Variants in PALLD observed in about 807,000 individuals in gnomAD.
The protein encoded by PALLD is palladin, cytoskeletal associated protein.
In PALLD, 61 loss-of-function variants were observed where a neutral mutation model predicts 123.5. The ratio of observed to expected loss-of-function variants is 0.49; its 90% CI spans 0.40 to 0.61. PALLD has a LOEUF of 0.61. Among genes scored for constraint, PALLD ranks in the 20% least tolerant of loss-of-function variants. PALLD has a pLI of 0.00. For synonymous variants in PALLD, 465 were observed against 496.4 expected, an observed-to-expected ratio of 0.94 and a Z score of 0.84; for missense variants, 1,273 against 1,377.0, an observed-to-expected ratio of 0.92 and a Z score of 1.20.
At chr4:168,638,560 A>G (rs1174612791) in intron 2 of PALLD, among the ~76,000 whole-genome samples, 1 of 152,228 alleles carries the variant, frequency 6.6e-6, no homozygotes, top group African/African-American at 2.4e-5. Context: ...AACTGGATAC[A>G]TTATAAACAA....
At chr4:168,718,118 G>C (rs916410541) in intron 10 of PALLD, among the ~76,000 whole-genome samples, 5 of 152,298 alleles carry the variant, frequency 3.3e-5, no homozygotes, top group African/African-American at 1.2e-4. Flanking sequence ...TTGGACTGCA[G>C]CTTCAACTCC....
At chr4:168,703,592 A>T (rs1783918140) in intron 8 of PALLD, among the ~76,000 whole-genome samples, 2 of 127,390 alleles carry the variant, frequency 1.6e-5, no homozygotes, top group Non-Finnish European at 3.2e-5. Context: ...CTTTTTAATG[A>T]TTGCCATTCT....
intron 15 of PALLD, among the ~76,000 whole-genome samples, chr4:168,911,020 C>G (rs1268199338): frequency 2.0e-5 from 3 of 152,128 alleles, no homozygotes; most frequent in Non-Finnish European, 2.9e-5. Flanking sequence ...TAACACAGTA[C>G]CAGCTATGAG....
chr4:168,774,483 T>C (rs1389274683), intron 10 of PALLD, among the ~76,000 whole-genome samples: 1 of 152,222 alleles, frequency 6.6e-6, no homozygotes, highest in East Asian at 1.9e-4. Context: ...ATCCCAGCAC[T>C]TTGGGAGGCC....
In PALLD at chr4:168,722,210, A is replaced by AT. The variant is rs547691947; in HGVS notation, c.1964+10295dup. 8.7e-4 allele frequency among the ~76,000 whole-genome samples: 132 copies of AT among 151,866 alleles called. No homozygotes were observed. The East Asian group carries it at 0.012, about 14-fold the overall frequency. ...CAAGTGCACAACACCACACCCAGCTATTTTTTTTATTTTTTGTAGAGATGG... is the reference window on the plus strand; with the variant it reads ...CAAGTGCACAACACCACACCCAGCTATTTTTTTTTATTTTTTGTAGAGATGG... On this transcript the variant is annotated intron_variant, in intron 10 of 21. Transcript: ENST00000505667.
intron 2 of PALLD, among the ~76,000 whole-genome samples, chr4:168,641,149 A>G (rs923145021): frequency 1.3e-5 from 2 of 151,838 alleles, no homozygotes; most frequent in Non-Finnish European, 2.9e-5. Flanking sequence ...CGGAGCTTGT[A>G]ATGAGCCAAG....
intron 10 of PALLD, among the ~76,000 whole-genome samples, chr4:168,833,689 G>T (rs560308049): frequency 7.9e-5 from 12 of 151,768 alleles, no homozygotes; most frequent in Non-Finnish European, 1.6e-4. Context: ...ATTGTCCAGG[G>T]ATTTGGGTTT....
chr4:168,550,627 T>C (rs1282159900), intron 2 of PALLD, among the ~76,000 whole-genome samples: 1 of 152,134 alleles, frequency 6.6e-6, no homozygotes, highest in African/African-American at 2.4e-5. Context: ...ACTTCTGTAG[T>C]TACATTCCTC....
intron 10 of PALLD, among the ~76,000 whole-genome samples, chr4:168,817,735 C>G (rs1742180198): frequency 6.6e-6 from 1 of 152,086 alleles, no homozygotes. Context: ...CCTACAAAAC[C>G]AACATTGAGA....
rs1560943118 is a variant in PALLD at position 168,927,001 on chromosome 4, A to T, written c.*821A>T. 9.1e-6 allele frequency: 2 copies of T among 218,904 alleles called. No homozygotes were observed. The highest frequency in any genetic ancestry group is 5.8e-5 in the Admixed American group (1 of 17,288). The allele number at this position is 218,904 out of a possible 1,614,324, so 13.6% of individuals were successfully genotyped here. On this transcript the variant is annotated 3_prime_UTR_variant, in exon 22 of 22. Coordinates refer to ENST00000505667, the MANE Select transcript of PALLD (RefSeq NM_001166108.2). Reference sequence around the variant, plus strand: ...CAAGGTTAATACCTTAGTTCTTAACATTTTTTTTCTTTATGTGTAGTGTTT... The same window carrying T: ...CAAGGTTAATACCTTAGTTCTTAACTTTTTTTTTCTTTATGTGTAGTGTTT...
intron 10 of PALLD, chr4:168,832,073 C>G (rs979573857): frequency 5.7e-5 from 56 of 985,408 alleles, no homozygotes; most frequent in Middle Eastern, 5.2e-4. Context: ...GTATAAAGCC[C>G]GATACCTGCC....
At chr4:168,876,246 G>T (rs1340269887) in intron 10 of PALLD, among the ~76,000 whole-genome samples, 2 of 152,228 alleles carry the variant, frequency 1.3e-5, no homozygotes, top group African/African-American at 4.8e-5. Flanking sequence ...TTTAGAGCTA[G>T]TGGGTGGTTT....
chr4:168,733,399 G>A (rs963383602), intron 10 of PALLD, among the ~76,000 whole-genome samples: 2 of 152,070 alleles, frequency 1.3e-5, no homozygotes, highest in Non-Finnish European at 2.9e-5. Context: ...AAGTAGACAA[G>A]TTCTAAATCT....
At chr4:168,903,698 C>A (rs1198143809) in intron 14 of PALLD, 59 bp from the exon 15 acceptor site, 2 of 1,407,592 alleles carry the variant, frequency 1.4e-6, no homozygotes, top group African/African-American at 1.4e-5. Flanking sequence ...ATTTTCAGTT[C>A]TCCAAATAGA....
chr4:168,730,789 G>A (rs944803293), intron 10 of PALLD, among the ~76,000 whole-genome samples: 2 of 152,106 alleles, frequency 1.3e-5, no homozygotes, highest in African/African-American at 2.4e-5. Context: ...CTGAGTAAGG[G>A]AAGGGGGTTG....
At chr4:168,895,179 C>T (rs1295625631) in intron 12 of PALLD, among the ~76,000 whole-genome samples, 6 of 151,974 alleles carry the variant, frequency 3.9e-5, no homozygotes, top group South Asian at 2.1e-4. Flanking sequence ...GTCAGGAGAT[C>T]GAGACCATCG....
intron 10 of PALLD, among the ~76,000 whole-genome samples, chr4:168,729,952 A>G (rs930977555): frequency 6.6e-6 from 1 of 152,234 alleles, no homozygotes; most frequent in Non-Finnish European, 1.5e-5. Flanking sequence ...CTAATCCTGT[A>G]TATGACTGAC....
At chr4:168,759,106 G>C (rs1732319005) in intron 10 of PALLD, among the ~76,000 whole-genome samples, 1 of 147,690 alleles carries the variant, frequency 6.8e-6, no homozygotes, top group African/African-American at 2.5e-5. Flanking sequence ...TTGAACCCGG[G>C]AGGCGGAGGT....
At chr4:168,596,388 A>G (rs1159792424) in intron 2 of PALLD, among the ~76,000 whole-genome samples, 2 of 152,178 alleles carry the variant, frequency 1.3e-5, no homozygotes, top group Non-Finnish European at 1.5e-5. Flanking sequence ...CTTAAAGGAC[A>G]GAAGTAGCTT....
Sources: gnomAD v4.1 joint callset for allele counts (sites outside exome capture counted in the v4.1 genomes callset) on GRCh38, gnomAD v4.1.1 for gene constraint, MANE v1.5 for transcripts, NCBI Gene and HGNC (gene_info 2026-07-23, HGNC 2026-07-21) for gene names.